SHISA9: variants seen among roughly 807,000 people sequenced by gnomAD.
SHISA9 encodes shisa family member 9.
A neutral mutation model predicts 38.0 loss-of-function variants in SHISA9; 13 were observed. The observed-to-expected ratio is 0.34, with a 90% CI of 0.22 to 0.54. SHISA9 has a LOEUF of 0.54. Ranked by LOEUF, SHISA9 falls within the 20% of genes least tolerant of loss-of-function variation. The probability of loss-of-function intolerance (pLI) is 0.91; values close to 1 mark genes in which losing one functional copy is unlikely to be tolerated. For synonymous variants in SHISA9, 275 were observed against 242.0 expected, an observed-to-expected ratio of 1.14 and a Z score of -1.27; for missense variants, 538 against 575.8, an observed-to-expected ratio of 0.93 and a Z score of 0.67.
intron 2 of SHISA9, among the ~76,000 whole-genome samples, chr16:12,982,959 A>T (rs1033909718): frequency 2.6e-5 from 4 of 152,240 alleles, no homozygotes; most frequent in Non-Finnish European, 2.9e-5. Flanking sequence ...ATGAAGATGT[A>T]AGAAGCCAAT....
chr16:13,411,751 T>C, the SHISA9 span, among the ~76,000 whole-genome samples: 32 of 152,368 alleles, frequency 2.1e-4, no homozygotes, highest in African/African-American at 7.7e-4. Context: ...CTTCTGCTCA[T>C]ATTTCATTGG....
chr16:13,190,169 C>T (rs569951239), intron 2 of SHISA9, among the ~76,000 whole-genome samples: 7 of 150,948 alleles, frequency 4.6e-5, no homozygotes, highest in South Asian at 2.1e-4. Context: ...CATGCTGGTG[C>T]GCTGCACCCA....
chr16:13,329,359 A>G, the SHISA9 span, among the ~76,000 whole-genome samples: 1 of 152,062 alleles, frequency 6.6e-6, no homozygotes, highest in Non-Finnish European at 1.5e-5. Flanking sequence ...TGGCATCCTC[A>G]TCTTCTTGGG....
chr16:12,948,330 A>G (rs985805219), intron 2 of SHISA9, among the ~76,000 whole-genome samples: 3 of 152,342 alleles, frequency 2.0e-5, no homozygotes, highest in African/African-American at 7.2e-5. Flanking sequence ...CACTCTCATC[A>G]GTAAAGGAGG....
the SHISA9 span, among the ~76,000 whole-genome samples, chr16:13,270,125 A>C: frequency 6.6e-6 from 1 of 152,016 alleles, no homozygotes; most frequent in East Asian, 1.9e-4. Context: ...TGCTCACCGG[A>C]CTCCAACAGA....
rs574839733 is a variant in SHISA9 at position 13,076,836 on chromosome 16, G to A, written c.692-126558G>A. 3.3e-5 allele frequency among the ~76,000 whole-genome samples: 5 copies of A among 152,306 alleles called. No homozygotes were observed. The South Asian group carries it at 6.2e-4, about 19-fold the overall frequency. Reference sequence around the variant, plus strand: ...AGCTGTTTATAGTGTGTCTGAGACCGTATCCCTACTTGTCATGGTCCCTGT... The same window carrying A: ...AGCTGTTTATAGTGTGTCTGAGACCATATCCCTACTTGTCATGGTCCCTGT... On this transcript the variant is annotated intron_variant, in intron 2 of 4. Coordinates refer to ENST00000558583, the MANE Select transcript of SHISA9 (RefSeq NM_001145204.3).
At chr16:13,209,657 T>C (rs1330074338) in intron 3 of SHISA9, among the ~76,000 whole-genome samples, 1 of 152,238 alleles carries the variant, frequency 6.6e-6, no homozygotes, top group Non-Finnish European at 1.5e-5. Context: ...GGTTGAGAAG[T>C]GGGTCTTGTT....
intron 2 of SHISA9, among the ~76,000 whole-genome samples, chr16:13,158,773 A>G (rs2050569218): frequency 6.6e-6 from 1 of 152,046 alleles, no homozygotes; most frequent in African/African-American, 2.4e-5. Context: ...AAACACAGCA[A>G]AGCCCAGGCA....
the SHISA9 span, among the ~76,000 whole-genome samples, chr16:13,322,214 G>A: frequency 2.0e-4 from 30 of 152,224 alleles, no homozygotes; most frequent in Non-Finnish European, 3.7e-4. Context: ...AAATCAGCCA[G>A]TGTTGAAGAA....
intron 2 of SHISA9, among the ~76,000 whole-genome samples, chr16:13,187,328 CTTTTTTTTTTTT>C (rs372286181): frequency 1.1e-5 from 1 of 90,684 alleles, no homozygotes; most frequent in South Asian, 4.5e-4. Flanking sequence ...CTTTTCTTTT[CTTTTTTTTTTTT>C]TTTTTTTTTT....
the SHISA9 span, among the ~76,000 whole-genome samples, chr16:13,536,755 T>C: frequency 6.6e-6 from 1 of 152,286 alleles, no homozygotes; most frequent in Non-Finnish European, 1.5e-5. Flanking sequence ...GCTACAGATA[T>C]AGATCAGGGT....
intron 2 of SHISA9, among the ~76,000 whole-genome samples, chr16:13,050,276 A>G (rs2073235436): frequency 6.6e-6 from 1 of 152,202 alleles, no homozygotes; most frequent in Non-Finnish European, 1.5e-5. Flanking sequence ...TGAAGATATT[A>G]TGGATAAATT....
chr16:12,986,299 T>A (rs1217985986), intron 2 of SHISA9, among the ~76,000 whole-genome samples: 1 of 152,226 alleles, frequency 6.6e-6, no homozygotes, highest in Non-Finnish European at 1.5e-5. Context: ...TCCTCTTTCC[T>A]TCCTTCCCTT....
the SHISA9 span, among the ~76,000 whole-genome samples, chr16:13,378,719 G>A: frequency 6.6e-5 from 10 of 152,208 alleles, no homozygotes; most frequent in African/African-American, 2.4e-4. Flanking sequence ...TATAAGTGCA[G>A]TGTCTAGCAC....
At chr16:13,438,713 A>T in the SHISA9 span, among the ~76,000 whole-genome samples, 18,803 of 152,230 alleles carry the variant, frequency 0.12, 1,414 homozygotes, top group Non-Finnish European at 0.18. Flanking sequence ...AGACTATGTA[A>T]CCGCTGGAGA....
the SHISA9 span, among the ~76,000 whole-genome samples, chr16:13,309,320 A>C: frequency 6.6e-6 from 1 of 152,140 alleles, no homozygotes; most frequent in African/African-American, 2.4e-5. Context: ...GCAAACCTGC[A>C]CATCCTGCAC....
intron 2 of SHISA9, among the ~76,000 whole-genome samples, chr16:13,180,204 T>C (rs72786615): frequency 6.6e-6 from 1 of 152,340 alleles, no homozygotes; most frequent in Non-Finnish European, 1.5e-5. Flanking sequence ...TGAAAAGGTA[T>C]AGATATATTC....
intron 2 of SHISA9, among the ~76,000 whole-genome samples, chr16:13,006,408 T>C (rs2072598887): frequency 6.6e-6 from 1 of 152,200 alleles, no homozygotes; most frequent in Non-Finnish European, 1.5e-5. Context: ...CCTGTGACAG[T>C]ATTTATCAAG....
the SHISA9 span, among the ~76,000 whole-genome samples, chr16:13,502,857 A>G: frequency 1.3e-5 from 2 of 152,314 alleles, no homozygotes; most frequent in Admixed American, 1.3e-4. Context: ...AGCCTGGGTG[A>G]CAGAGTGAGA....
Sources: gnomAD v4.1 joint callset for allele counts (sites outside exome capture counted in the v4.1 genomes callset) on GRCh38, gnomAD v4.1.1 for gene constraint, MANE v1.5 for transcripts, NCBI Gene and HGNC (gene_info 2026-07-23, HGNC 2026-07-21) for gene names.